The following SLC24A2 variants were observed in gnomAD, a reference collection of about 807,000 sequenced individuals.
SLC24A2 encodes the protein sodium/potassium/calcium exchanger 2.
In SLC24A2, 36 loss-of-function variants were observed where a neutral mutation model predicts 62.0. The observed-to-expected ratio is 0.58, with a 90% CI of 0.44 to 0.77. The LOEUF (loss-of-function observed/expected upper bound fraction) is 0.77, where lower values mean the gene tolerates loss of function less well. SLC24A2 is among the 30% of genes least tolerant of loss of function. The pLI is 0.00. For synonymous variants in SLC24A2, 358 were observed against 294.0 expected (o/e 1.22, Z -2.23); for missense variants, 846 against 817.9 (o/e 1.03, Z -0.42).
chr9:19,548,499 C>T (rs972833414), intron 8 of SLC24A2, among the ~76,000 whole-genome samples: 1 of 152,156 alleles, frequency 6.6e-6, no homozygotes, highest in African/African-American at 2.4e-5. Flanking sequence ...GGACCAATAA[C>T]TCAAGGCCTT....
At position 19,686,576 on chromosome 9, in the gene SLC24A2, A is replaced by C. The variant is rs113365980; in HGVS notation, c.931-64277T>G. Among the ~76,000 whole-genome samples the C allele has an allele frequency of 2.5e-3, 375 of 152,190 alleles. 4 individuals are homozygous for C. The highest frequency in any genetic ancestry group is 8.7e-3 in the African/African-American group (362 of 41,556). On this transcript the variant is annotated intron_variant, in intron 2 of 10. Transcript: ENST00000341998. ...ATTTAATCATGGGGCGGTTACCTTC[A>C]TGCTGTTCTCATGATAGTGAGTTCT...
At chr9:19,640,952 A>C (rs1004344387) in intron 2 of SLC24A2, among the ~76,000 whole-genome samples, 2 of 152,220 alleles carry the variant, frequency 1.3e-5, no homozygotes, top group African/African-American at 4.8e-5. Context: ...AGCTAATGAA[A>C]GTTTTAAAGC....
intron 2 of SLC24A2, among the ~76,000 whole-genome samples, chr9:19,755,063 A>C (rs1310717326): frequency 1.3e-5 from 2 of 152,188 alleles, no homozygotes; most frequent in African/African-American, 4.8e-5. Flanking sequence ...AAAGGCAGGC[A>C]AGAGAGCACA....
the SLC24A2 span, among the ~76,000 whole-genome samples, chr9:20,159,330 C>A: frequency 6.6e-6 from 1 of 151,574 alleles, no homozygotes; most frequent in Non-Finnish European, 1.5e-5. Context: ...AATTTTAATA[C>A]CTTGCATATA....
the SLC24A2 span, among the ~76,000 whole-genome samples, chr9:20,174,890 T>C: frequency 1.3e-5 from 2 of 151,900 alleles, no homozygotes; most frequent in African/African-American, 4.8e-5. Context: ...AGGAAAAAGA[T>C]ACTTGCACAC....
the SLC24A2 span, among the ~76,000 whole-genome samples, chr9:20,025,138 A>C: frequency 6.6e-6 from 1 of 152,172 alleles, no homozygotes; most frequent in African/African-American, 2.4e-5. Context: ...GGTATTTTCT[A>C]GTCTATTCTA....
At chr9:20,255,319 G>T in the SLC24A2 span, among the ~76,000 whole-genome samples, 3 of 152,182 alleles carry the variant, frequency 2.0e-5, no homozygotes, top group African/African-American at 7.2e-5. Flanking sequence ...CCATGGGGTG[G>T]CATTAAACAG....
At chr9:19,848,146 G>C in the SLC24A2 span, among the ~76,000 whole-genome samples, 8 of 147,534 alleles carry the variant, frequency 5.4e-5, no homozygotes, top group Non-Finnish European at 9.1e-5. Context: ...ATATTCACTA[G>C]ACAATACTAA....
the SLC24A2 span, among the ~76,000 whole-genome samples, chr9:19,993,529 T>C: frequency 6.6e-6 from 1 of 152,228 alleles, no homozygotes; most frequent in Non-Finnish European, 1.5e-5. Flanking sequence ...AAGTTATTCA[T>C]TCCGAACATT....
the SLC24A2 span, among the ~76,000 whole-genome samples, chr9:20,296,430 A>G: frequency 3.3e-5 from 5 of 152,224 alleles, no homozygotes; most frequent in South Asian, 1.0e-3. Context: ...TTCATTTTAG[A>G]CATTTTTTAT....
chr9:19,632,856 G>C lies in SLC24A2; in HGVS notation c.931-10557C>G, dbSNP rs1818213547. Among the ~76,000 whole-genome samples, 1 of 152,106 alleles carries C rather than the reference G, an allele frequency of 6.6e-6. No homozygotes were observed. Among genetic ancestry groups the C allele is most frequent in the East Asian group, 1.9e-4 (1 of 5,198 alleles). On this transcript the variant is annotated intron_variant, in intron 2 of 10. Coordinates refer to ENST00000341998, the MANE Select transcript of SLC24A2 (RefSeq NM_020344.4). The surrounding 1 kb of genome is among the most constrained non-coding windows in gnomAD (Gnocchi z 4.5). ...TGTGTTTGTGCATAGTGTGTATGTA[G>C]TTCTATGCAGTTTAATTATATGTGT...
At chr9:20,195,498 C>G in the SLC24A2 span, among the ~76,000 whole-genome samples, 1 of 152,082 alleles carries the variant, frequency 6.6e-6, no homozygotes. Context: ...AAGTGTCTGT[C>G]TAAATCTTTA....
At chr9:20,218,863 G>T in the SLC24A2 span, among the ~76,000 whole-genome samples, 2 of 152,106 alleles carry the variant, frequency 1.3e-5, no homozygotes, top group African/African-American at 2.4e-5. Context: ...GTCTCATCAG[G>T]CTGCAATCCA....
Position 19,581,881 on chromosome 9 carries a change from A to T in SLC24A2, c.1130-4859T>A, listed in dbSNP as rs146974545. The stretch of plus-strand genomic sequence containing the variant: ...AAGGAGTTATTTTTAACATGTTTCA[A>T]GGCAACTTTAAAAAATATACTCTCT... On this transcript the variant is annotated intron_variant, in intron 5 of 10. Transcript: ENST00000341998. 6.0e-4 allele frequency among the ~76,000 whole-genome samples: 91 copies of T among 152,342 alleles called. 1 individual carries two copies. Among genetic ancestry groups the T allele is most frequent in the African/African-American group, 2.1e-3 (88 of 41,578 alleles).
chr9:19,771,983 C>A (rs1481608619), intron 2 of SLC24A2, among the ~76,000 whole-genome samples: 2 of 152,140 alleles, frequency 1.3e-5, no homozygotes, highest in Non-Finnish European at 2.9e-5. Context: ...GGGCCCAGTA[C>A]AGACAGCAAA....
At chr9:19,557,814 C>CT (rs927387911) in intron 7 of SLC24A2, among the ~76,000 whole-genome samples, 9,949 of 139,162 alleles carry the variant, frequency 0.071, 1,055 homozygotes, top group African/African-American at 0.23. Context: ...GCTCACATTT[C>CT]TTTTTTTTTT....
At chr9:19,815,772 G>A in the SLC24A2 span, among the ~76,000 whole-genome samples, 1 of 151,864 alleles carries the variant, frequency 6.6e-6, no homozygotes, top group Non-Finnish European at 1.5e-5. Flanking sequence ...GTATCCCTAA[G>A]GATATATTCC....
chr9:19,906,881 G>A, the SLC24A2 span, among the ~76,000 whole-genome samples: 2 of 152,174 alleles, frequency 1.3e-5, no homozygotes, highest in Non-Finnish European at 2.9e-5. Context: ...ATTCACAGCC[G>A]AATTCTACCA....
intron 9 of SLC24A2, among the ~76,000 whole-genome samples, chr9:19,521,307 G>A (rs918074733): frequency 5.3e-5 from 8 of 152,188 alleles, no homozygotes; most frequent in Non-Finnish European, 1.0e-4. Context: ...GAGCTCTAGA[G>A]GGCTAGAGTG....
Sources: gnomAD v4.1 joint callset for allele counts (sites outside exome capture counted in the v4.1 genomes callset) on GRCh38, gnomAD v4.1.1 for gene constraint, Gnocchi (gnomAD v3.1) non-coding constraint, MANE v1.5 for transcripts, NCBI Gene and HGNC (gene_info 2026-07-23, HGNC 2026-07-21) for gene names.